The following ACCSL variants were observed in gnomAD, a reference collection of about 807,000 sequenced individuals.
The protein encoded by ACCSL is probable inactive 1-aminocyclopropane-1-carboxylate synthase-like protein 2.
In ACCSL, 55 loss-of-function variants were observed where a neutral mutation model predicts 61.7. The ratio of observed to expected loss-of-function variants is 0.89; its 90% CI spans 0.72 to 1.12. The LOEUF is 1.12. Among genes scored for constraint, ACCSL ranks in the 50% most tolerant of loss-of-function variants. The probability of loss-of-function intolerance (pLI) is 0.00; values close to 1 mark genes in which losing one functional copy is unlikely to be tolerated. For missense variants in ACCSL, 632 were observed against 698.0 expected, an observed-to-expected ratio of 0.91 and a Z score of 1.07; for synonymous variants, 258 against 264.3, an observed-to-expected ratio of 0.98 and a Z score of 0.23.
At chr11:44,023,055 TTTTTTTTC>T in the ACCSL span, among the ~76,000 whole-genome samples, 9 of 126,338 alleles carry the variant, frequency 7.1e-5, no homozygotes, top group Non-Finnish European at 1.2e-4. Flanking sequence ...TTTTTTTTTT[TTTTTTTTC>T]GAGAAAGAGT....
the ACCSL span, among the ~76,000 whole-genome samples, chr11:44,041,523 TATATG>T: frequency 6.6e-6 from 1 of 152,244 alleles, no homozygotes; most frequent in Non-Finnish European, 1.5e-5. Flanking sequence ...GACCTATGTG[TATATG>T]CAACATAGGC....
At position 44,050,599 on chromosome 11, in the gene ACCSL, C is replaced by T. The variant is rs773702479; in HGVS notation, c.612C>T (p.Tyr204=). ...GCATTGAGGACACCTTGCTTCAGTA[C>T]CCTGATTGGAGAGGGCAGCCATTGT... ...MNCIEDTLLQ[Y]PDWRGQPFLR... The change falls in exon 3 of 14, where the codon TAC becomes TAT. Residue 204 remains tyrosine, a synonymous_variant. Coordinates refer to ENST00000378832, the MANE Select transcript of ACCSL (RefSeq NM_001031854.2). The T allele has an allele frequency of 6.2e-7, 1 of 1,614,072 alleles. No homozygotes were observed. Among genetic ancestry groups the T allele is most frequent in the Non-Finnish European group, 8.5e-7 (1 of 1,180,002 alleles).
At chr11:43,942,516 G>A in the ACCSL span, 2 of 233,508 alleles carry the variant, frequency 8.6e-6, no homozygotes, top group Non-Finnish European at 1.7e-5. Flanking sequence ...GAGCGGCGGG[G>A]CGACGTCAGG....
At chr11:44,034,369 C>T in the ACCSL span, among the ~76,000 whole-genome samples, 21 of 152,232 alleles carry the variant, frequency 1.4e-4, no homozygotes, top group Admixed American at 1.2e-3. Context: ...CAGGAAACCC[C>T]GATGAAGACC....
the ACCSL span, among the ~76,000 whole-genome samples, chr11:43,998,688 T>C: frequency 6.6e-6 from 1 of 152,200 alleles, no homozygotes. Flanking sequence ...CTTCATAGAT[T>C]CATTCATTAT....
chr11:43,959,200 G>C, the ACCSL span, among the ~76,000 whole-genome samples: 6 of 152,282 alleles, frequency 3.9e-5, 1 homozygote, highest in African/African-American at 1.4e-4. Flanking sequence ...TGGAATGGGC[G>C]AGCCGGCGAT....
At chr11:43,943,075 G>C in the ACCSL span, 4 of 1,503,148 alleles carry the variant, frequency 2.7e-6, no homozygotes, top group Admixed American at 4.5e-5. This position sits in a 1 kb window ranked among gnomAD's most constrained non-coding sequence, Gnocchi z 4.8. Context: ...AGACGCAGCC[G>C]GTGACCTTCG....
chr11:43,994,061 G>C, the ACCSL span, among the ~76,000 whole-genome samples: 1 of 152,220 alleles, frequency 6.6e-6, no homozygotes, highest in Non-Finnish European at 1.5e-5. Context: ...AGGTGATTCT[G>C]ATACCGTGGG....
chr11:43,992,524 G>A, the ACCSL span, among the ~76,000 whole-genome samples: 10 of 152,202 alleles, frequency 6.6e-5, no homozygotes, highest in African/African-American at 1.4e-4. Flanking sequence ...GGGCAGGAAC[G>A]GGTTGCATTT....
At chr11:43,981,267 T>C in the ACCSL span, among the ~76,000 whole-genome samples, 34,817 of 152,118 alleles carry the variant, frequency 0.23, 4,288 homozygotes, top group Non-Finnish European at 0.28. Flanking sequence ...CAGCAAGTCC[T>C]GGTAACATGG....
chr11:44,033,211 C>G, the ACCSL span, among the ~76,000 whole-genome samples: 1 of 152,118 alleles, frequency 6.6e-6, no homozygotes, highest in African/African-American at 2.4e-5. Flanking sequence ...CCTTCCTTCA[C>G]AGAGGAGAAA....
At chr11:43,927,191 A>G in the ACCSL span, among the ~76,000 whole-genome samples, 2 of 152,186 alleles carry the variant, frequency 1.3e-5, no homozygotes, top group Non-Finnish European at 2.9e-5. Flanking sequence ...TTCTTGTTCT[A>G]TGACATCATC....
the ACCSL span, among the ~76,000 whole-genome samples, chr11:43,969,986 A>G: frequency 6.7e-6 from 1 of 148,894 alleles, no homozygotes; most frequent in African/African-American, 2.5e-5. Context: ...GTTGTTCTGG[A>G]TTTTTTTTTT....
chr11:43,960,975 C>T, the ACCSL span, among the ~76,000 whole-genome samples: 1 of 152,188 alleles, frequency 6.6e-6, no homozygotes, highest in South Asian at 2.1e-4. Flanking sequence ...CCTGCCACCA[C>T]ACTTGGTGAT....
At chr11:43,951,905 G>A in the ACCSL span, among the ~76,000 whole-genome samples, 1 of 152,174 alleles carries the variant, frequency 6.6e-6, no homozygotes, top group Non-Finnish European at 1.5e-5. Context: ...GGAGACTGAG[G>A]CAGGAGAATC....
At chr11:43,965,422 A>ACC in the ACCSL span, among the ~76,000 whole-genome samples, 1 of 152,200 alleles carries the variant, frequency 6.6e-6, no homozygotes, top group Admixed American at 6.5e-5. Context: ...TACACCGAAA[A>ACC]CTACAAAACA....
In ACCSL at chr11:44,048,458, A is replaced by G. The variant is rs1952614804; in HGVS notation, c.422A>G (p.Asp141Gly). ...VNRDLSIRGI[D>G]ISVFYQSSFQ... ...CGCGACCTATCCATCCGTGGGATTG[A>G]CATCTCTGTCTTTTATCAGTCGAGC... Residue 141 changes from aspartate to glycine, a missense_variant, in exon 1 of 14, where the codon GAC becomes GGC. Physicochemically the swap from Asp to Gly is moderately conservative, Grantham distance 94. Coordinates refer to ENST00000378832, the MANE Select transcript of ACCSL (RefSeq NM_001031854.2). 1 of 1,612,762 alleles carries G rather than the reference A, an allele frequency of 6.2e-7. No homozygotes were observed.
intron 2 of ACCSL, 33 bp downstream of exon 2, chr11:44,050,154 C>A (rs1372987916): frequency 1.3e-6 from 2 of 1,575,708 alleles, no homozygotes; most frequent in Non-Finnish European, 1.7e-6. Flanking sequence ...TGGGACCCAC[C>A]CCTTCAAGGC....
chr11:43,990,235 G>A, the ACCSL span, among the ~76,000 whole-genome samples: 65 of 152,328 alleles, frequency 4.3e-4, no homozygotes, highest in South Asian at 2.1e-3. Flanking sequence ...TGCTTAGGAC[G>A]TTGCCTGGCT....
Sources: allele counts gnomAD v4.1 joint callset (sites outside exome capture counted in the v4.1 genomes callset), GRCh38; gene constraint gnomAD v4.1.1; non-coding constraint Gnocchi (gnomAD v3.1); transcripts MANE v1.5; gene names NCBI Gene and HGNC (gene_info 2026-07-23, HGNC 2026-07-21).